The following ABCB4 variants were observed in gnomAD, a reference collection of about 807,000 sequenced individuals.
ABCB4 encodes the protein ATP binding cassette subfamily B member 4.
In ABCB4, 76 loss-of-function variants were observed where a neutral mutation model predicts 145.7. The ratio of observed to expected loss-of-function variants is 0.52; its 90% CI spans 0.43 to 0.63. The LOEUF is 0.63. ABCB4 is among the 30% of genes least tolerant of loss of function. The pLI, the probability that ABCB4 is intolerant of heterozygous loss-of-function variation, is 0.00. For missense variants in ABCB4, 1,234 were observed against 1,553.1 expected (o/e 0.79, Z 3.45); for synonymous variants, 517 against 566.8 (o/e 0.91, Z 1.25).
chr7:87,393,063 G>T, the ABCB4 span: 1 of 1,612,706 alleles, frequency 6.2e-7, no homozygotes, highest in South Asian at 1.1e-5. Flanking sequence ...TATCAGAGAT[G>T]ACAGGTGAGG....
At chr7:87,373,231 A>G in the ABCB4 span, among the ~76,000 whole-genome samples, 1 of 152,174 alleles carries the variant, frequency 6.6e-6, no homozygotes, top group African/African-American at 2.4e-5. Context: ...CCATTTGTAT[A>G]TATCTTCCTT....
Position 87,417,292 on chromosome 7 carries a change from T to A in ABCB4, c.2682+20A>T, listed in dbSNP as rs377042498. On this transcript the variant is annotated intron_variant, in intron 21 of 27. Coordinates refer to ENST00000649586, the MANE Select transcript of ABCB4 (RefSeq NM_000443.4). Reference sequence around the variant, plus strand: ...TCTAAAAACAACACTTAACACCAATTGAAATCTTATTTGACCTACCTTTCC... The same window carrying A: ...TCTAAAAACAACACTTAACACCAATAGAAATCTTATTTGACCTACCTTTCC... 62 of 1,611,696 alleles carry A rather than the reference T, an allele frequency of 3.8e-5. No individual in the cohort carries two copies. The African/African-American group carries it at 7.2e-4, about 19-fold the overall frequency.
At chr7:87,398,849 T>C, downstream of ABCB4, 1 of 556,660 alleles carries the variant, frequency 1.8e-6, no homozygotes, top group South Asian at 2.2e-5. Flanking sequence ...TAAGCTCCTC[T>C]GATGCAGCAG....
At chr7:87,442,216 T>C (rs1244260884) in intron 12 of ABCB4, among the ~76,000 whole-genome samples, 1 of 152,104 alleles carries the variant, frequency 6.6e-6, no homozygotes, top group Non-Finnish European at 1.5e-5. Flanking sequence ...GAGTTTACTT[T>C]AGTAAATGAG....
At chr7:87,438,543 G>A (rs1484242035) in intron 14 of ABCB4, among the ~76,000 whole-genome samples, 4 of 152,132 alleles carry the variant, frequency 2.6e-5, no homozygotes, top group African/African-American at 9.7e-5. Context: ...GAACTCAGGA[G>A]TTTGAGACCA....
the ABCB4 span, among the ~76,000 whole-genome samples, chr7:87,390,081 C>T: frequency 7.6e-3 from 1,150 of 152,150 alleles, 15 homozygotes; most frequent in African/African-American, 0.025. Flanking sequence ...TCTGAATTTT[C>T]CTGATTGTAT....
intron 18 of ABCB4, among the ~76,000 whole-genome samples, chr7:87,420,930 A>G (rs1424100557): frequency 1.3e-5 from 2 of 152,212 alleles, no homozygotes; most frequent in African/African-American, 4.8e-5. Context: ...CAGAAGTAAC[A>G]AAGTCCTACA....
Position 87,422,178 on chromosome 7 carries a change from T to C in ABCB4, c.2259A>G (p.Ile753Met), listed in dbSNP as rs771807773. Residue 753 changes from isoleucine (I) to methionine (M), a missense_variant, in exon 18 of 28, where the codon ATA becomes ATG. Coordinates refer to ENST00000649586, the MANE Select transcript of ABCB4 (RefSeq NM_000443.4). Reference protein sequence around the residue: ...DDAVKQQKCNIFSLIFLFLGI... With the variant: ...DDAVKQQKCNMFSLIFLFLGI... Reference sequence around the variant, plus strand: ...CCAGAAATAAGAAAATCAAAGAGAATATGTTGCACTTCTGCTGCTTCACTG... The same window carrying C: ...CCAGAAATAAGAAAATCAAAGAGAACATGTTGCACTTCTGCTGCTTCACTG... 2.5e-6 allele frequency: 4 copies of C among 1,613,706 alleles called. No individual in the cohort carries two copies. In the South Asian group the frequency reaches 4.4e-5, roughly 18 times the overall value.
chr7:87,441,536 T>A (rs1008819798), intron 12 of ABCB4, among the ~76,000 whole-genome samples: 32 of 152,058 alleles, frequency 2.1e-4, no homozygotes, highest in African/African-American at 7.2e-4. Flanking sequence ...ATAATACTTT[T>A]TCCATATATA....
At chr7:87,408,861 G>A (rs1808403459) in intron 24 of ABCB4, among the ~76,000 whole-genome samples, 1 of 152,138 alleles carries the variant, frequency 6.6e-6, no homozygotes, top group Non-Finnish European at 1.5e-5. Flanking sequence ...CATTGTGAAC[G>A]AACTGCCCTT....
chr7:87,418,430 C>T (rs1290904647), intron 20 of ABCB4, 107 bp downstream of exon 20: 2 of 1,070,306 alleles, frequency 1.9e-6, no homozygotes, highest in Non-Finnish European at 2.9e-6. Flanking sequence ...TTGATTTGAG[C>T]TTTCTGCTAT....
At chr7:87,384,920 C>A in the ABCB4 span, among the ~76,000 whole-genome samples, 3 of 152,168 alleles carry the variant, frequency 2.0e-5, no homozygotes, top group African/African-American at 7.2e-5. Context: ...CAGTTTCATT[C>A]TTCTGCATAT....
chr7:87,395,086 A>G, the ABCB4 span, among the ~76,000 whole-genome samples: 2 of 152,190 alleles, frequency 1.3e-5, no homozygotes, highest in Non-Finnish European at 2.9e-5. Context: ...TTTAAGAAGT[A>G]TGTAAGAAGC....
intron 23 of ABCB4, among the ~76,000 whole-genome samples, chr7:87,411,579 TTTCTAA>T (rs1359254299): frequency 6.6e-6 from 1 of 152,200 alleles, no homozygotes; most frequent in Admixed American, 6.5e-5. Flanking sequence ...CACCAGCAAC[TTTCTAA>T]TTATGATTTT....
chr7:87,375,523 G>T, the ABCB4 span: 1 of 694,956 alleles, frequency 1.4e-6, no homozygotes, highest in Non-Finnish European at 2.4e-6. Flanking sequence ...GTTTCTTTGG[G>T]TAATATATCC....
chr7:87,432,127 T>C (rs1810281663), intron 14 of ABCB4, among the ~76,000 whole-genome samples: 1 of 152,242 alleles, frequency 6.6e-6, no homozygotes. Context: ...CAAGTAAATC[T>C]GCTCTTTAAC....
At chr7:87,405,018 G>A (rs1218559102) in intron 26 of ABCB4, among the ~76,000 whole-genome samples, 1 of 152,166 alleles carries the variant, frequency 6.6e-6, no homozygotes, top group African/African-American at 2.4e-5. Context: ...ACTCCTGGGT[G>A]TTTATCCCAA....
Position 87,453,117 on chromosome 7 carries a change from T to C in ABCB4, c.363A>G (p.Ser121=), listed in dbSNP as rs1562989841. The change falls in exon 6 of 28, where the codon TCA becomes TCG. Residue 121 remains serine (S), a synonymous_variant. Transcript: ENST00000649586. ...EEMTRYAYYY[S]GLGAGVLVAA... ...CAACAAGAACTCCAGCACCCAATCC[T>C]GAGTAGTAATATGCATATCTGAAAA... The C allele has an allele frequency of 6.2e-7, 1 of 1,614,048 alleles. No homozygotes were observed. Among genetic ancestry groups the C allele is most frequent in the Middle Eastern group, 1.6e-4 (1 of 6,062 alleles).
the ABCB4 span, among the ~76,000 whole-genome samples, chr7:87,369,189 G>A: frequency 6.6e-6 from 1 of 152,144 alleles, no homozygotes; most frequent in Non-Finnish European, 1.5e-5. Context: ...CAAGTGTCAG[G>A]AGTATGTATT....
Sources: allele counts gnomAD v4.1 joint callset (sites outside exome capture counted in the v4.1 genomes callset), GRCh38; gene constraint gnomAD v4.1.1; transcripts MANE v1.5; gene names NCBI Gene and HGNC (gene_info 2026-07-23, HGNC 2026-07-21).